The following DNER variants were observed in gnomAD, a reference collection of about 807,000 sequenced individuals.
DNER encodes the protein delta and Notch-like epidermal growth factor-related receptor.
In DNER, 33 loss-of-function variants were observed where a neutral mutation model predicts 78.2. That is an observed-to-expected ratio of 0.42 (90% CI 0.32 to 0.56). The LOEUF (loss-of-function observed/expected upper bound fraction) is 0.56. DNER is among the 20% of genes least tolerant of loss of function. The probability of loss-of-function intolerance (pLI) is 0.11; values close to 1 mark genes in which losing one functional copy is unlikely to be tolerated. For missense variants in DNER, 918 were observed against 975.3 expected, an observed-to-expected ratio of 0.94 and a Z score of 0.78; for synonymous variants, 417 against 384.8, an observed-to-expected ratio of 1.08 and a Z score of -0.98.
intron 1 of DNER, among the ~76,000 whole-genome samples, chr2:229,712,315 C>T (rs1208638076): frequency 3.3e-5 from 5 of 152,128 alleles, no homozygotes; most frequent in South Asian, 2.1e-4. Flanking sequence ...ATTTATGTTT[C>T]GCTGTTAGTC....
At chr2:229,613,522 C>A (rs887683761) in intron 1 of DNER, among the ~76,000 whole-genome samples, 5 of 152,120 alleles carry the variant, frequency 3.3e-5, no homozygotes, top group Non-Finnish European at 7.3e-5. Context: ...TTACCAACTC[C>A]ATTTCAGAGG....
intron 2 of DNER, among the ~76,000 whole-genome samples, chr2:229,590,930 T>C (rs1057460027): frequency 1.3e-5 from 2 of 152,002 alleles, no homozygotes; most frequent in African/African-American, 2.4e-5. Context: ...TGAGTTCAGG[T>C]GAGATTGGAT....
chr2:229,545,908 T>G (rs1696618579), intron 5 of DNER, among the ~76,000 whole-genome samples: 1 of 152,212 alleles, frequency 6.6e-6, no homozygotes, highest in African/African-American at 2.4e-5. Flanking sequence ...ATGCGAAGAC[T>G]AAGGAGGAAA....
Position 229,439,197 on chromosome 2 carries a change from T to G in DNER, c.1486+8119A>C, listed in dbSNP as rs188409095. ...GCTTAACCCTGCAAGAAGTTGAATGTGCACCCATTATTCAAGAATGCCCAC... is the reference window on the plus strand; with the variant it reads ...GCTTAACCCTGCAAGAAGTTGAATGGGCACCCATTATTCAAGAATGCCCAC... On this transcript the variant is annotated intron_variant, in intron 8 of 12. Coordinates refer to ENST00000341772, the MANE Select transcript of DNER (RefSeq NM_139072.4). Among the ~76,000 whole-genome samples, 570 of 152,352 alleles carry G rather than the reference T, an allele frequency of 3.7e-3. 1 individual carries two copies. The highest frequency in any genetic ancestry group is 5.7e-3 in the Non-Finnish European group (389 of 68,044).
At chr2:229,657,146 C>T (rs1229458449) in intron 1 of DNER, among the ~76,000 whole-genome samples, 1 of 152,132 alleles carries the variant, frequency 6.6e-6, no homozygotes, top group African/African-American at 2.4e-5. Context: ...ATCCACGTCT[C>T]CACCTTTCCC....
intron 6 of DNER, among the ~76,000 whole-genome samples, chr2:229,511,299 G>A (rs1266633910): frequency 1.3e-5 from 2 of 152,158 alleles, no homozygotes; most frequent in African/African-American, 4.8e-5. Flanking sequence ...AACAAAATAA[G>A]AACAACTTGG....
intron 1 of DNER, among the ~76,000 whole-genome samples, chr2:229,627,968 C>A (rs1389868380): frequency 1.3e-5 from 2 of 152,218 alleles, no homozygotes; most frequent in Non-Finnish European, 2.9e-5. Flanking sequence ...ACTTTCCAAT[C>A]AGGAGGTAGA....
Position 229,512,874 on chromosome 2 carries a change from A to G in DNER, c.1056T>C (p.Ala352=), listed in dbSNP as rs1467131352. The G allele has an allele frequency of 6.2e-7, 1 of 1,614,154 alleles. No homozygotes were observed. Among genetic ancestry groups the G allele is most frequent in the Non-Finnish European group, 8.5e-7 (1 of 1,180,012 alleles). Residue 352 remains alanine (A), a synonymous_variant, in exon 6 of 13, where the codon GCT becomes GCC. Transcript: ENST00000341772. ...YVGTFCEEYD[A]CQRKPCQNNA... ...TGTTTTGGCAAGGTTTCCTCTGGCA[A>G]GCATCGTATTCTTCACAGAAAGTAC...
chr2:229,616,745 T>C (rs1448815032), intron 1 of DNER, among the ~76,000 whole-genome samples: 1 of 152,218 alleles, frequency 6.6e-6, no homozygotes, highest in Non-Finnish European at 1.5e-5. Flanking sequence ...TATAATGCCA[T>C]TAATCTCTAA....
chr2:229,506,026 A>G (rs1695735983), intron 6 of DNER, among the ~76,000 whole-genome samples: 1 of 152,178 alleles, frequency 6.6e-6, no homozygotes, highest in South Asian at 2.1e-4. Flanking sequence ...ATCAAGATCA[A>G]TTTGCCATCT....
At chr2:229,547,291 G>A (rs1161723141) in intron 4 of DNER, among the ~76,000 whole-genome samples, 199 bp from the exon 5 acceptor site, 1 of 152,182 alleles carries the variant, frequency 6.6e-6, no homozygotes, top group African/African-American at 2.4e-5. Context: ...CTTTAGGGCA[G>A]GCTGGTCCTC....
In DNER at chr2:229,455,032, C is replaced by T. The variant is rs575261193; in HGVS notation, c.1262-7492G>A. 8.7e-4 allele frequency among the ~76,000 whole-genome samples: 133 copies of T among 152,164 alleles called. 1 individual carries two copies. The highest frequency in any genetic ancestry group is 3.0e-3 in the African/African-American group (124 of 41,454). On this transcript the variant is annotated intron_variant, in intron 7 of 12. Coordinates refer to ENST00000341772, the MANE Select transcript of DNER (RefSeq NM_139072.4). ...TCCTGGCTCACATGATTATTAATGA[C>T]CACTAGAAAAGGAATGCCAGACTTA...
chr2:229,368,014 T>C (rs1692389945), intron 11 of DNER, among the ~76,000 whole-genome samples: 1 of 152,220 alleles, frequency 6.6e-6, no homozygotes, highest in South Asian at 2.1e-4. Context: ...CAGTTAATAA[T>C]GTTAATATTT....
At chr2:229,497,812 A>G (rs1044113611) in intron 6 of DNER, among the ~76,000 whole-genome samples, 1 of 152,144 alleles carries the variant, frequency 6.6e-6, no homozygotes, top group Non-Finnish European at 1.5e-5. Context: ...AGAGTGAGCC[A>G]GTAATAAAAA....
At chr2:229,641,351 A>G (rs1290665349) in intron 1 of DNER, among the ~76,000 whole-genome samples, 1 of 152,208 alleles carries the variant, frequency 6.6e-6, no homozygotes, top group African/African-American at 2.4e-5. Context: ...GTGGAGAAGA[A>G]AACAAAATCA....
intron 1 of DNER, among the ~76,000 whole-genome samples, chr2:229,700,283 T>TATGTGTGTGTGC (rs201862396): frequency 0.078 from 9,535 of 122,188 alleles, 697 homozygotes; most frequent in African/African-American, 0.19. Context: ...TATGTCAATA[T>TATGTGTGTGTGC]ATGTGTGTGT....
At chr2:229,542,849 T>C (rs535271010) in intron 5 of DNER, among the ~76,000 whole-genome samples, 2 of 152,148 alleles carry the variant, frequency 1.3e-5, no homozygotes, top group South Asian at 4.2e-4. Flanking sequence ...CCCCAGACAT[T>C]TCTCTCCAAC....
chr2:229,690,508 C>T (rs1231736068), intron 1 of DNER, among the ~76,000 whole-genome samples: 2 of 152,188 alleles, frequency 1.3e-5, no homozygotes, highest in Non-Finnish European at 2.9e-5. Flanking sequence ...ATGGAACTAG[C>T]ATTTGATAAA....
At chr2:229,379,933 T>A (rs943093053) in intron 11 of DNER, among the ~76,000 whole-genome samples, 1 of 152,184 alleles carries the variant, frequency 6.6e-6, no homozygotes, top group African/African-American at 2.4e-5. Context: ...TTCTCACCCA[T>A]CTTTAGCAAG....
Sources: allele counts gnomAD v4.1 joint callset (sites outside exome capture counted in the v4.1 genomes callset), GRCh38; gene constraint gnomAD v4.1.1; transcripts MANE v1.5; gene names NCBI Gene and HGNC (gene_info 2026-07-23, HGNC 2026-07-21).